Variants in PDE7B observed in about 807,000 individuals in gnomAD.
The protein encoded by PDE7B is phosphodiesterase 7B.
A neutral mutation model predicts 56.2 loss-of-function variants in PDE7B; 29 were observed. That is an observed-to-expected ratio of 0.52 (90% CI 0.38 to 0.70). The LOEUF (loss-of-function observed/expected upper bound fraction) is 0.70, where lower values mean the gene tolerates loss of function less well. Ranked by LOEUF, PDE7B falls within the 30% of genes least tolerant of loss-of-function variation. The probability of loss-of-function intolerance (pLI) is 0.00; values close to 1 mark genes in which losing one functional copy is unlikely to be tolerated. For missense variants in PDE7B, 490 were observed against 565.0 expected, an observed-to-expected ratio of 0.87 and a Z score of 1.35; for synonymous variants, 197 against 196.9, an observed-to-expected ratio of 1.00 and a Z score of 0.00.
intron 2 of PDE7B, among the ~76,000 whole-genome samples, chr6:136,097,282 A>G (rs996633024): frequency 5.3e-5 from 8 of 152,180 alleles, no homozygotes; most frequent in African/African-American, 1.9e-4. Flanking sequence ...TCTTGAGGGC[A>G]TGTATTTCTT....
Position 135,995,321 on chromosome 6 carries a change from G to A in PDE7B, c.82+47797G>A, listed in dbSNP as rs934379431. On this transcript the variant is annotated intron_variant, in intron 2 of 12. Coordinates refer to ENST00000308191, the MANE Select transcript of PDE7B (RefSeq NM_018945.4). Reference sequence around the variant, plus strand: ...CAAATCCAGGAAAAGGAAGCATGGTGTGTATCAATAGAAATGTGTCTGAAT... The same window carrying A: ...CAAATCCAGGAAAAGGAAGCATGGTATGTATCAATAGAAATGTGTCTGAAT... Among the ~76,000 whole-genome samples, 5 of 152,086 alleles carry A rather than the reference G, an allele frequency of 3.3e-5. 1 individual carries two copies. Among genetic ancestry groups the A allele is most frequent in the Non-Finnish European group, 5.9e-5 (4 of 68,026 alleles).
chr6:136,047,234 C>T (rs1219377717), intron 2 of PDE7B: 1 of 152,188 alleles, frequency 6.6e-6, no homozygotes, highest in Non-Finnish European at 1.5e-5. Context: ...TTTCCACAAC[C>T]ATCTCAAAAT....
Position 135,903,199 on chromosome 6 carries a change from G to GC in PDE7B, c.22-44262dup, listed in dbSNP as rs1173029802. On this transcript the variant is annotated intron_variant, in intron 1 of 12. Coordinates refer to ENST00000308191, the MANE Select transcript of PDE7B (RefSeq NM_018945.4). ...TCAGATTTTCTTTGCACCTAAACTG[G>GC]CCCAAACACTGTACTCAACACCTCA... Among the ~76,000 whole-genome samples, 4 of 152,230 alleles carry GC rather than the reference G, an allele frequency of 2.6e-5. No homozygotes were observed. In the East Asian group the frequency reaches 7.7e-4, roughly 29 times the overall value.
At chr6:135,883,608 C>A (rs1227358117) in intron 1 of PDE7B, among the ~76,000 whole-genome samples, 1 of 152,128 alleles carries the variant, frequency 6.6e-6, no homozygotes, top group Non-Finnish European at 1.5e-5. Flanking sequence ...CAACAAGAAA[C>A]CTGCTTTATT....
intron 1 of PDE7B, among the ~76,000 whole-genome samples, chr6:135,932,191 C>A (rs113033512): frequency 0.023 from 3,441 of 152,132 alleles, 106 homozygotes; most frequent in African/African-American, 0.069. Flanking sequence ...AAAAGATTGC[C>A]ATTTCAGATA....
chr6:136,010,213 G>A (rs112464659), intron 2 of PDE7B, among the ~76,000 whole-genome samples: 1 of 151,982 alleles, frequency 6.6e-6, no homozygotes, highest in African/African-American at 2.4e-5. Context: ...CCATGTAATT[G>A]CATGGTTTTG....
At chr6:135,987,957 T>G (rs1193159261) in intron 2 of PDE7B, among the ~76,000 whole-genome samples, 1 of 152,140 alleles carries the variant, frequency 6.6e-6, no homozygotes, top group Non-Finnish European at 1.5e-5. Context: ...ACAAAAATAT[T>G]CAGTTCCTAA....
At chr6:136,079,295 A>G (rs1236391921) in intron 2 of PDE7B, among the ~76,000 whole-genome samples, 1 of 152,094 alleles carries the variant, frequency 6.6e-6, no homozygotes, top group African/African-American at 2.4e-5. Context: ...CGTTTGAAAA[A>G]CCGTCACTTT....
intron 1 of PDE7B, among the ~76,000 whole-genome samples, chr6:135,946,988 T>C (rs2070758498): frequency 6.6e-6 from 1 of 152,098 alleles, no homozygotes; most frequent in Admixed American, 6.6e-5. Flanking sequence ...TTTTCATTAT[T>C]TATCTACTTG....
chr6:135,945,659 T>G (rs1404650645), intron 1 of PDE7B, among the ~76,000 whole-genome samples: 1 of 152,120 alleles, frequency 6.6e-6, no homozygotes, highest in Non-Finnish European at 1.5e-5. Context: ...TCTTATATAA[T>G]GTATAGTTAC....
At chr6:136,159,427 A>G (rs1778666865) in intron 8 of PDE7B, among the ~76,000 whole-genome samples, 1 of 152,220 alleles carries the variant, frequency 6.6e-6, no homozygotes, top group Admixed American at 6.5e-5. Context: ...AGCAATTGGC[A>G]TCCCCGCTCC....
At chr6:135,873,646 T>C (rs1454476786) in intron 1 of PDE7B, among the ~76,000 whole-genome samples, 1 of 152,108 alleles carries the variant, frequency 6.6e-6, no homozygotes, top group Non-Finnish European at 1.5e-5. Flanking sequence ...GTGATTGCAA[T>C]AGCAACATAA....
intron 3 of PDE7B, among the ~76,000 whole-genome samples, chr6:136,120,575 A>G (rs1414032417): frequency 6.6e-6 from 1 of 152,204 alleles, no homozygotes; most frequent in Non-Finnish European, 1.5e-5. Context: ...GATGCAACGC[A>G]GGGGGTTTGG....
chr6:136,149,590 G>A (rs144884716), intron 5 of PDE7B, among the ~76,000 whole-genome samples: 3 of 152,168 alleles, frequency 2.0e-5, no homozygotes, highest in African/African-American at 4.8e-5. Context: ...AAATGTGTTT[G>A]ACATCATCAG....
intron 2 of PDE7B, among the ~76,000 whole-genome samples, chr6:136,027,072 A>G (rs1403566524): frequency 2.6e-5 from 4 of 152,226 alleles, no homozygotes; most frequent in African/African-American, 9.6e-5. Flanking sequence ...AGGATACAGC[A>G]GGAAGGCAAC....
chr6:136,011,513 C>G (rs1349081378), intron 2 of PDE7B, among the ~76,000 whole-genome samples: 1 of 152,168 alleles, frequency 6.6e-6, no homozygotes, highest in African/African-American at 2.4e-5. Context: ...GCTGCCTGGC[C>G]TTGGAATATC....
intron 3 of PDE7B, among the ~76,000 whole-genome samples, chr6:136,135,051 C>T (rs1778189544): frequency 1.3e-5 from 2 of 152,106 alleles, no homozygotes; most frequent in African/African-American, 4.8e-5. Context: ...CCCTGCTCCT[C>T]CCACTTGGTG....
chr6:136,049,925 T>A (rs1348041153), intron 2 of PDE7B, among the ~76,000 whole-genome samples: 1 of 139,384 alleles, frequency 7.2e-6, no homozygotes, highest in Non-Finnish European at 1.5e-5. Flanking sequence ...TTTGAGAGGA[T>A]CTAGTTAAAT....
chr6:135,978,218 G>T (rs1775226233), intron 2 of PDE7B, among the ~76,000 whole-genome samples: 1 of 152,130 alleles, frequency 6.6e-6, no homozygotes, highest in Non-Finnish European at 1.5e-5. Context: ...GCTGAATACT[G>T]TAGGCAATTG....
Sources: gnomAD v4.1 joint callset for allele counts (sites outside exome capture counted in the v4.1 genomes callset) on GRCh38, gnomAD v4.1.1 for gene constraint, MANE v1.5 for transcripts, NCBI Gene and HGNC (gene_info 2026-07-23, HGNC 2026-07-21) for gene names.